FOXE1: variants seen among roughly 807,000 people sequenced by gnomAD.
FOXE1 encodes forkhead box E1.
A neutral mutation model predicts 2.1 loss-of-function variants in FOXE1; 4 were observed. The ratio of observed to expected loss-of-function variants is 1.91; its 90% CI spans 0.94 to 4.37. FOXE1 has a LOEUF of 4.37. FOXE1 is among the 30% of genes most tolerant of loss of function. The probability of loss-of-function intolerance (pLI) is 0.01; values close to 1 mark genes in which losing one functional copy is unlikely to be tolerated. For synonymous variants in FOXE1, 277 were observed against 272.4 expected, an observed-to-expected ratio of 1.02 and a Z score of -0.17; for missense variants, 574 against 583.3, an observed-to-expected ratio of 0.98 and a Z score of 0.16.
rs1351182120 is a variant in FOXE1, at chr9:97,853,941, G to A, written c.27G>A (p.Pro9=). 5 of 1,300,072 alleles carry A rather than the reference G, an allele frequency of 3.8e-6. No homozygotes were observed. The East Asian group carries it at 1.6e-4, about 41-fold the overall frequency. 80.5% of individuals were successfully genotyped at this position (1,300,072 alleles called of 1,614,324 possible). MTAESGPP[P]PQPEVLATVK... is the part of the protein sequence containing the mutation. The stretch of plus-strand genomic sequence containing the variant: ...TGACTGCCGAGAGCGGGCCGCCGCC[G>A]CCGCAGCCGGAGGTGCTGGCTACCG... The change falls in exon 1 of 1, where the codon CCG becomes CCA. Residue 9 remains proline, a synonymous_variant. Transcript: ENST00000375123.
Position 97,853,931 on chromosome 9 carries a change from G to GGCC in FOXE1, c.29_31dup (p.Pro10dup), listed in dbSNP as rs891790785. On this transcript the variant is annotated inframe_insertion, in exon 1 of 1. Transcript: ENST00000375123. ...GCCCGCGCCATGACTGCCGAGAGCG[G>GGCC]GCCGCCGCCGCCGCAGCCGGAGGTG... The GGCC allele has an allele frequency of 9.6e-5, 125 of 1,297,950 alleles. No homozygotes were observed. The African/African-American group carries it at 1.4e-3, about 15-fold the overall frequency. 80.4% of individuals were successfully genotyped at this position (1,297,950 alleles called of 1,614,324 possible). A position where few individuals can be genotyped will look rare whatever the true frequency, so the allele number is the denominator to read the frequency against.
In FOXE1 at chr9:97,853,986, G is replaced by A; in HGVS notation, c.72G>A (p.Glu24=). 1 of 1,334,300 alleles carries A rather than the reference G, an allele frequency of 7.5e-7. No homozygotes were observed. Among genetic ancestry groups the A allele is most frequent in the Non-Finnish European group, 9.6e-7 (1 of 1,046,746 alleles). The allele number at this position is 1,334,300 out of a possible 1,614,324, so 82.7% of individuals were successfully genotyped here. Reference sequence around the variant, plus strand: ...CTACCGTGAAGGAAGAGCGCGGCGAGACGGCAGCAGGGGCCGGGGTCCCAG... The same window carrying A: ...CTACCGTGAAGGAAGAGCGCGGCGAAACGGCAGCAGGGGCCGGGGTCCCAG... The part of the protein sequence containing the change: ...VLATVKEERG[E]TAAGAGVPGE... The change falls in exon 1 of 1, where the codon GAG becomes GAA. Residue 24 remains glutamate (E), a synonymous_variant. Coordinates refer to ENST00000375123, the MANE Select transcript of FOXE1 (RefSeq NM_004473.4).
At position 97,853,991 on chromosome 9, in the gene FOXE1, C is replaced by T; in HGVS notation, c.77C>T (p.Ala26Val). ...ATVKEERGET[A>V]AGAGVPGEAT... ...GTGAAGGAAGAGCGCGGCGAGACGG[C>T]AGCAGGGGCCGGGGTCCCAGGGGAG... The change falls in exon 1 of 1, where the codon GCA becomes GTA. Residue 26 changes from alanine to valine, a missense_variant. Transcript: ENST00000375123. 2.2e-6 allele frequency: 3 copies of T among 1,342,124 alleles called. No homozygotes were observed. Among genetic ancestry groups the T allele is most frequent in the Non-Finnish European group, 2.9e-6 (3 of 1,051,164 alleles). The allele number at this position is 1,342,124 out of a possible 1,614,324, so 83.1% of individuals were successfully genotyped here.
Position 97,854,408 on chromosome 9 carries a change from C to A in FOXE1, c.494C>A (p.Ala165Glu). 7.8e-7 allele frequency: 1 copy of A among 1,280,764 alleles called. No homozygotes were observed. The highest frequency in any genetic ancestry group is 9.8e-7 in the Non-Finnish European group (1 of 1,024,218). The allele number at this position is 1,280,764 out of a possible 1,614,324, so 79.3% of individuals were successfully genotyped here. Residue 165 changes from alanine to glutamate, a missense_variant, in exon 1 of 1, where the codon GCG becomes GAG. Around this residue, in one of 3 missense-constraint regions of FOXE1, gnomAD observed 249 missense variants for 269.6 expected, o/e 0.92. Coordinates refer to ENST00000375123, the MANE Select transcript of FOXE1 (RefSeq NM_004473.4). Reference protein sequence around the residue: ...STYPAYMHDAAAAAAAAAAAA... With the variant: ...STYPAYMHDAEAAAAAAAAAA... ...TACCCGGCTTACATGCACGACGCGG[C>A]GGCTGCCGCAGCCGCCGCCGCCGCC... is the stretch of plus-strand genomic sequence containing the variant.
Position 97,854,415 on chromosome 9 carries a change from C to G in FOXE1, c.501C>G (p.Ala167=), listed in dbSNP as rs547566398. 136 of 1,145,488 alleles carry G rather than the reference C, an allele frequency of 1.2e-4. 1 individual carries two copies. The highest frequency in any genetic ancestry group is 5.5e-4 in the Admixed American group (9 of 16,306). 71.0% of individuals were successfully genotyped at this position (1,145,488 alleles called of 1,614,324 possible). A position where few individuals can be genotyped will look rare whatever the true frequency, so the allele number is the denominator to read the frequency against. The change falls in exon 1 of 1, where the codon GCC becomes GCG. Residue 167 remains alanine, a synonymous_variant. Coordinates refer to ENST00000375123, the MANE Select transcript of FOXE1 (RefSeq NM_004473.4). ...CTTACATGCACGACGCGGCGGCTGCCGCAGCCGCCGCCGCCGCCGCCGCCG... is the reference window on the plus strand; with the variant it reads ...CTTACATGCACGACGCGGCGGCTGCGGCAGCCGCCGCCGCCGCCGCCGCCG... The part of the protein sequence containing the change: ...YPAYMHDAAA[A]AAAAAAAAAA...
At position 97,853,449 on chromosome 9, in the gene FOXE1, T is replaced by A. The variant is rs1830617214; in HGVS notation, c.-466T>A. On this transcript the variant is annotated 5_prime_UTR_variant, in exon 1 of 1. Transcript: ENST00000375123. Reference sequence around the variant, plus strand: ...CGCCCAGCGCCAGTACTAACTGCCCTCGCTCTGGCCTTCGAGCCCGAAGCC... The same window carrying A: ...CGCCCAGCGCCAGTACTAACTGCCCACGCTCTGGCCTTCGAGCCCGAAGCC... The A allele has an allele frequency of 1.3e-5, 2 of 157,102 alleles. No individual in the cohort carries two copies. The highest frequency in any genetic ancestry group is 2.8e-5 in the Non-Finnish European group (2 of 71,574). 9.7% of individuals were successfully genotyped at this position (157,102 alleles called of 1,614,324 possible). A position where few individuals can be genotyped will look rare whatever the true frequency, so the allele number is the denominator to read the frequency against.
Position 97,854,886 on chromosome 9 carries a change from C to A in FOXE1, c.972C>A (p.Phe324Leu), listed in dbSNP as rs758120385. 4 of 1,588,250 alleles carry A rather than the reference C, an allele frequency of 2.5e-6. No individual in the cohort carries two copies. The highest frequency in any genetic ancestry group is 1.3e-5 in the African/African-American group (1 of 74,746). The change falls in exon 1 of 1, where the codon TTC becomes TTA. Residue 324 changes from phenylalanine to leucine, a missense_variant. By Grantham distance (22) the Phe-to-Leu change is conservative. Transcript: ENST00000375123. ...GCGGCGTGGAGACCACGGTGGACTT[C>A]TACGGGCGCACGTCGCCCGGCCAGT... ...SSGGVETTVD[F>L]YGRTSPGQFG...
At position 97,854,010 on chromosome 9, in the gene FOXE1, A is replaced by G; in HGVS notation, c.96A>G (p.Pro32=). The G allele has an allele frequency of 7.2e-7, 1 of 1,389,982 alleles. No individual in the cohort carries two copies. The highest frequency in any genetic ancestry group is 1.7e-5 in the South Asian group (1 of 57,708). The allele number at this position is 1,389,982 out of a possible 1,614,324, so 86.1% of individuals were successfully genotyped here. The change falls in exon 1 of 1, where the codon CCA becomes CCG. Residue 32 remains proline, a synonymous_variant. Coordinates refer to ENST00000375123, the MANE Select transcript of FOXE1 (RefSeq NM_004473.4). The part of the protein sequence containing the change: ...RGETAAGAGV[P]GEATGRGAGG... ...AGACGGCAGCAGGGGCCGGGGTCCC[A>G]GGGGAGGCCACGGGCCGCGGGGCGG...
Position 97,854,030 on chromosome 9 carries a change from G to A in FOXE1, c.116G>A (p.Gly39Glu), listed in dbSNP as rs1587808229. Residue 39 changes from glycine to glutamate, a missense_variant, in exon 1 of 1, where the codon GGG becomes GAG. Gly to Glu is a moderately conservative substitution (Grantham distance 98). This residue lies in a region of FOXE1 where 249 missense variants were observed against 269.6 expected (regional missense o/e 0.92). Transcript: ENST00000375123. ...GTCCCAGGGGAGGCCACGGGCCGCG[G>A]GGCGGGCGGGCGGCGCCGCAAGCGC... ...AGVPGEATGR[G>E]AGGRRRKRPL... The A allele has an allele frequency of 6.3e-6, 9 of 1,433,554 alleles. No individual in the cohort carries two copies. The highest frequency in any genetic ancestry group is 1.5e-5 in the South Asian group (1 of 65,464). 88.8% of individuals were successfully genotyped at this position (1,433,554 alleles called of 1,614,324 possible).
rs999295917 is a variant in FOXE1 at position 97,854,114 on chromosome 9, C to G, written c.200C>G (p.Ala67Gly). The change falls in exon 1 of 1, where the codon GCG becomes GGG. Residue 67 changes from alanine to glycine, a missense_variant. Ala to Gly is a moderately conservative substitution (Grantham distance 60). This residue lies in a region of FOXE1 where 249 missense variants were observed against 269.6 expected (regional missense o/e 0.92). Transcript: ENST00000375123. Reference sequence around the variant, plus strand: ...ATCGCGCTCATCGCCATGGCCATCGCGCACGCGCCCGAGCGCCGCCTCACG... The same window carrying G: ...ATCGCGCTCATCGCCATGGCCATCGGGCACGCGCCCGAGCGCCGCCTCACG... ...SYIALIAMAI[A>G]HAPERRLTLG... The G allele has an allele frequency of 1.2e-6, 2 of 1,611,520 alleles. No individual in the cohort carries two copies. Among genetic ancestry groups the G allele is most frequent in the East Asian group, 2.2e-5 (1 of 44,762 alleles).
Position 97,855,202 on chromosome 9 carries a change from A to G in FOXE1, c.*166A>G, listed in dbSNP as rs996013824. The G allele has an allele frequency of 1.4e-4, 118 of 850,694 alleles. No homozygotes were observed. The highest frequency in any genetic ancestry group is 2.2e-4 in the Non-Finnish European group (116 of 517,264). 52.7% of individuals were successfully genotyped at this position (850,694 alleles called of 1,614,324 possible). A position where few individuals can be genotyped will look rare whatever the true frequency, so the allele number is the denominator to read the frequency against. ...CGCGCACAGCGTAGGCACCCGGTGT[A>G]CTCTGTAAACGGGAGGAGGTGGGGC... is the stretch of plus-strand genomic sequence containing the variant. On this transcript the variant is annotated 3_prime_UTR_variant, in exon 1 of 1. Coordinates refer to ENST00000375123, the MANE Select transcript of FOXE1 (RefSeq NM_004473.4).
rs1830621003 is a variant in FOXE1, at chr9:97,853,719, C to A, written c.-196C>A. 2.5e-6 allele frequency: 1 copy of A among 402,962 alleles called. No individual in the cohort carries two copies. Among genetic ancestry groups the A allele is most frequent in the Admixed American group, 4.6e-5 (1 of 21,628 alleles). The allele number at this position is 402,962 out of a possible 1,614,324, so 25.0% of individuals were successfully genotyped here. ...GTCACTCCCGAGCCTCTGTCTGCAC[C>A]GCGCCAGCCCCAGACCACGGACGCT... is the stretch of plus-strand genomic sequence containing the variant. On this transcript the variant is annotated 5_prime_UTR_variant, in exon 1 of 1. Transcript: ENST00000375123.
In FOXE1 at chr9:97,854,622, G is replaced by A; in HGVS notation, c.708G>A (p.Leu236=). 2 of 1,389,274 alleles carry A rather than the reference G, an allele frequency of 1.4e-6. No homozygotes were observed. Among genetic ancestry groups the A allele is most frequent in the Non-Finnish European group, 1.9e-6 (2 of 1,080,324 alleles). The allele number at this position is 1,389,274 out of a possible 1,614,324, so 86.1% of individuals were successfully genotyped here. A position where few individuals can be genotyped will look rare whatever the true frequency, so the allele number is the denominator to read the frequency against. ...CTGAGCGGCCGCTCAGCCCAGAGCTGGGGCCCGCACCGTCGGGGCCCGGCG... is the reference window on the plus strand; with the variant it reads ...CTGAGCGGCCGCTCAGCCCAGAGCTAGGGCCCGCACCGTCGGGGCCCGGCG... ...LVPERPLSPE[L]GPAPSGPGGS... The change falls in exon 1 of 1, where the codon CTG becomes CTA. Residue 236 remains leucine (L), a synonymous_variant. Transcript: ENST00000375123.
rs548439652 is a variant in FOXE1, at chr9:97,856,345, G to A, written c.*1309G>A. On this transcript the variant is annotated 3_prime_UTR_variant, in exon 1 of 1. Transcript: ENST00000375123. ...GAGAAATCTTTAAGTTTCGATTCTG[G>A]AGCAAAAACTTTCAGCATTAAATAT... is the stretch of plus-strand genomic sequence containing the variant. 1 of 167,128 alleles carries A rather than the reference G, an allele frequency of 6.0e-6. No individual in the cohort carries two copies. The highest frequency in any genetic ancestry group is 6.5e-5 in the Admixed American group (1 of 15,304). 10.4% of individuals were successfully genotyped at this position (167,128 alleles called of 1,614,324 possible).
rs1340715840 is a variant in FOXE1 at position 97,854,788 on chromosome 9, G to C, written c.874G>C (p.Ala292Pro). 5 of 1,523,958 alleles carry C rather than the reference G, an allele frequency of 3.3e-6. No homozygotes were observed. In the Admixed American group the frequency reaches 6.0e-5, roughly 18 times the overall value. The allele number at this position is 1,523,958 out of a possible 1,614,324, so 94.4% of individuals were successfully genotyped here. ...AGPDGAYPQG[A>P]GSAIFAAAGR... ...CCCCGACGGCGCGTACCCGCAGGGC[G>C]CCGGCAGTGCGATCTTTGCCGCTGC... The change falls in exon 1 of 1, where the codon GCC becomes CCC. Residue 292 changes from alanine to proline, a missense_variant. Ala to Pro is a conservative substitution (Grantham distance 27). Coordinates refer to ENST00000375123, the MANE Select transcript of FOXE1 (RefSeq NM_004473.4).
In FOXE1 at chr9:97,855,128, T is replaced by A; in HGVS notation, c.*92T>A. ...AACAGGAATGGAGAGAGGACTCAAC[T>A]GGGACCCACGTGGAAAAGACCGAGC... On this transcript the variant is annotated 3_prime_UTR_variant, in exon 1 of 1. Transcript: ENST00000375123. The A allele has an allele frequency of 6.7e-7, 1 of 1,494,832 alleles. No homozygotes were observed. The highest frequency in any genetic ancestry group is 9.2e-7 in the Non-Finnish European group (1 of 1,092,160). The allele number at this position is 1,494,832 out of a possible 1,614,324, so 92.6% of individuals were successfully genotyped here. A position where few individuals can be genotyped will look rare whatever the true frequency, so the allele number is the denominator to read the frequency against.
chr9:97,854,432 C>T lies in FOXE1; in HGVS notation c.518C>T (p.Ala173Val). The T allele has an allele frequency of 7.9e-7, 1 of 1,263,934 alleles. No individual in the cohort carries two copies. Among genetic ancestry groups the T allele is most frequent in the Non-Finnish European group, 9.9e-7 (1 of 1,006,330 alleles). 78.3% of individuals were successfully genotyped at this position (1,263,934 alleles called of 1,614,324 possible). The part of the protein sequence containing the change: ...DAAAAAAAAA[A>V]AAAAAAIFPG... ...GCGGCTGCCGCAGCCGCCGCCGCCG[C>T]CGCCGCCGCCGCCGCCGCCATCTTC... Residue 173 changes from alanine to valine, a missense_variant, in exon 1 of 1, where the codon GCC becomes GTC. Around this residue, in one of 3 missense-constraint regions of FOXE1, gnomAD observed 249 missense variants for 269.6 expected, o/e 0.92. Transcript: ENST00000375123.
rs754231919 is a variant in FOXE1 at position 97,854,861 on chromosome 9, G to A, written c.947G>A (p.Gly316Asp). 9.0e-6 allele frequency: 14 copies of A among 1,560,742 alleles called. 1 individual carries two copies. Among genetic ancestry groups the A allele is most frequent in the African/African-American group, 1.3e-5 (1 of 74,146 alleles). Residue 316 changes from glycine to aspartate, a missense_variant, in exon 1 of 1, where the codon GGC becomes GAC. Physicochemically the swap from Gly to Asp is moderately conservative, Grantham distance 94 (BLOSUM62 -1). Around this residue, in one of 3 missense-constraint regions of FOXE1, gnomAD observed 316 missense variants for 288.4 expected, o/e 1.10. Transcript: ENST00000375123. ...PASPPAGGSS[G>D]GVETTVDFYG... is the part of the protein sequence containing the mutation. ...TCGCCCCCAGCGGGCGGCAGCAGTG[G>A]CGGCGTGGAGACCACGGTGGACTTC... is the stretch of plus-strand genomic sequence containing the variant.
rs1192580432 is a variant in FOXE1, at chr9:97,855,494, C to T, written c.*458C>T. 5.1e-6 allele frequency: 1 copy of T among 197,054 alleles called. No homozygotes were observed. Among genetic ancestry groups the T allele is most frequent in the Non-Finnish European group, 1.2e-5 (1 of 86,188 alleles). 12.2% of individuals were successfully genotyped at this position (197,054 alleles called of 1,614,324 possible). On this transcript the variant is annotated 3_prime_UTR_variant, in exon 1 of 1. Coordinates refer to ENST00000375123, the MANE Select transcript of FOXE1 (RefSeq NM_004473.4). The stretch of plus-strand genomic sequence containing the variant: ...AAAAGGCTGCGGCAGCGCCTTTCTT[C>T]TTAAAGTGAGGAGGACAAATTTGCA...
Sources: gnomAD v4.1 joint callset for allele counts on GRCh38, gnomAD v4.1.1 for gene constraint, gnomAD v4.1.1 regional missense constraint, MANE v1.5 for transcripts, NCBI Gene and HGNC (gene_info 2026-07-23, HGNC 2026-07-21) for gene names.